OR8G1: variants seen among roughly 807,000 people sequenced by gnomAD.
OR8G1 encodes olfactory receptor 8G1.
For missense variants in OR8G1, 372 were observed against 356.2 expected (o/e 1.04, Z -0.36); for synonymous variants, 129 against 133.3 (o/e 0.97, Z 0.22).
rs1288660876 is a variant in OR8G1, at chr11:124,248,416, G to A, written c.-17+536G>A. Among the ~76,000 whole-genome samples, 4 of 151,764 alleles carry A rather than the reference G, an allele frequency of 2.6e-5. No homozygotes were observed. The East Asian group carries it at 7.8e-4, about 29-fold the overall frequency. On this transcript the variant is annotated intron_variant, in intron 2 of 2. Coordinates refer to ENST00000641972, the MANE Select transcript of OR8G1 (RefSeq NM_001002905.2). The stretch of plus-strand genomic sequence containing the variant: ...TTTATGTGTGTCTGTGTGTGTGTGT[G>A]TATCCTTTCTAAGAAAGCTTAAATT...
At chr11:124,245,007 C>CT (rs67805245) in intron 1 of OR8G1, among the ~76,000 whole-genome samples, 77,247 of 151,408 alleles carry the variant, frequency 0.51, 20,357 homozygotes, top group South Asian at 0.7. Context: ...TTAAGAATTT[C>CT]TTTTTTTTAA....
chr11:124,246,019 A>G, intron 1 of OR8G1, among the ~76,000 whole-genome samples: 1 of 136,456 alleles, frequency 7.3e-6, no homozygotes, highest in Non-Finnish European at 1.6e-5. Flanking sequence ...CTTTAGTTTA[A>G]TTAGATCCCA....
Position 124,250,353 on chromosome 11 carries a change from C to T in OR8G1, c.678C>T (p.Leu226=), listed in dbSNP as rs373964349. ...CSYIFIIASI[L]HIRSTEGRSK... ...ACATCTTTATTATTGCCAGCATCCT[C>T]CACATTCGCTCCACTGAGGGCAGGT... Residue 226 remains leucine, a synonymous_variant, in exon 3 of 3, where the codon CTC becomes CTT. Coordinates refer to ENST00000641972, the MANE Select transcript of OR8G1 (RefSeq NM_001002905.2). 4.2e-5 allele frequency: 67 copies of T among 1,613,724 alleles called. No individual in the cohort carries two copies. The African/African-American group carries it at 6.9e-4, about 17-fold the overall frequency.
chr11:124,244,042 T>C (rs577807727), intron 1 of OR8G1, among the ~76,000 whole-genome samples: 2 of 108,702 alleles, frequency 1.8e-5, no homozygotes, highest in African/African-American at 6.9e-5. Context: ...GAGAGAGAGA[T>C]GGAGAGAGAA....
rs1017686703 is a variant in OR8G1, at chr11:124,253,581, CAT to C, written c.*2973_*2974del. 4.6e-5 allele frequency: 7 copies of C among 152,076 alleles called. No individual in the cohort carries two copies. The highest frequency in any genetic ancestry group is 1.4e-4 in the African/African-American group (6 of 41,416). The allele number at this position is 152,076 out of a possible 1,614,324, so 9.4% of individuals were successfully genotyped here. A position where few individuals can be genotyped will look rare whatever the true frequency, so the allele number is the denominator to read the frequency against. ...GCTAGTTAACATATATATTACCTAA[CAT>C]ATTTATTTGTGTGTGTGTGGTGAGA... On this transcript the variant is annotated 3_prime_UTR_variant, in exon 3 of 3. Transcript: ENST00000641972.
At chr11:124,246,380 T>C (rs1253276598) in intron 1 of OR8G1, among the ~76,000 whole-genome samples, 1 of 151,952 alleles carries the variant, frequency 6.6e-6, no homozygotes, top group Non-Finnish European at 1.5e-5. Context: ...TACATTTTAA[T>C]GTAAAGATAC....
chr11:124,246,180 A>G (rs1048757016), intron 1 of OR8G1, among the ~76,000 whole-genome samples: 1 of 151,980 alleles, frequency 6.6e-6, no homozygotes, highest in Non-Finnish European at 1.5e-5. Context: ...TCCATCTTGA[A>G]TTAATTTTTG....
chr11:124,250,297 C>G lies in OR8G1; in HGVS notation c.622C>G (p.Leu208Val), dbSNP rs1415831947. 1.2e-6 allele frequency: 2 copies of G among 1,613,594 alleles called. No homozygotes were observed. Among genetic ancestry groups the G allele is most frequent in the African/African-American group, 2.7e-5 (2 of 74,884 alleles). The change falls in exon 3 of 3, where the codon CTT (leucine) becomes GTT (valine). Residue 208 changes from leucine to valine, a missense_variant. Coordinates refer to ENST00000641972, the MANE Select transcript of OR8G1 (RefSeq NM_001002905.2). ...TCTATGTGTTGGTGCATTTAACATC[C>G]TTGTCCCCAGCCTGACCATCCTTTG... The part of the protein sequence containing the change: ...LILCVGAFNI[L>V]VPSLTILCSY...
intron 2 of OR8G1, among the ~76,000 whole-genome samples, chr11:124,248,637 G>A (rs116204442): frequency 0.022 from 3,297 of 151,970 alleles, 121 homozygotes; most frequent in African/African-American, 0.074. Context: ...TAATTTGCCT[G>A]ATCATAGTTT....
chr11:124,244,533 T>C (rs1053930000), intron 1 of OR8G1, among the ~76,000 whole-genome samples: 1 of 151,906 alleles, frequency 6.6e-6, no homozygotes, highest in Non-Finnish European at 1.5e-5. Context: ...AGATGAACTA[T>C]GTCTATGGCA....
At chr11:124,246,666 C>A (rs1861813387) in intron 1 of OR8G1, among the ~76,000 whole-genome samples, 1 of 151,484 alleles carries the variant, frequency 6.6e-6, no homozygotes, top group Non-Finnish European at 1.5e-5. Flanking sequence ...ATAATTAATG[C>A]ATTAGATATA....
At chr11:124,242,985 A>T (rs1861774447) in intron 1 of OR8G1, among the ~76,000 whole-genome samples, 1 of 151,992 alleles carries the variant, frequency 6.6e-6, no homozygotes, top group Non-Finnish European at 1.5e-5. Context: ...TCAATTCCCA[A>T]ATCCATGTAT....
chr11:124,244,393 C>A (rs2466660), intron 1 of OR8G1, among the ~76,000 whole-genome samples: 1 of 151,526 alleles, frequency 6.6e-6, no homozygotes, highest in Admixed American at 6.6e-5. Context: ...ATTGGGAAAT[C>A]CCTGAATTGA....
intron 1 of OR8G1, among the ~76,000 whole-genome samples, chr11:124,242,138 G>A (rs1861767616): frequency 6.6e-6 from 1 of 151,602 alleles, no homozygotes; most frequent in Non-Finnish European, 1.5e-5. Context: ...CACTGTGCAG[G>A]TTAGTTACAT....
At chr11:124,249,157 A>T (rs997012928) in intron 2 of OR8G1, among the ~76,000 whole-genome samples, 2 of 152,256 alleles carry the variant, frequency 1.3e-5, no homozygotes, top group East Asian at 3.9e-4. Flanking sequence ...AGATTGTTTC[A>T]TAGTAATAAT....
intron 1 of OR8G1, among the ~76,000 whole-genome samples, chr11:124,242,682 C>T (rs1861771839): frequency 6.6e-6 from 1 of 151,980 alleles, no homozygotes; most frequent in African/African-American, 2.4e-5. Flanking sequence ...CTTGCTTTAT[C>T]CATCATCCAC....
Position 124,252,949 on chromosome 11 carries a change from A to T in OR8G1, c.*2338A>T, listed in dbSNP as rs1470387604. Reference sequence around the variant, plus strand: ...CAGGACAGCCATCTTGGGAAACATCATATGCACTTCTGAGGAAGTGCTGGT... The same window carrying T: ...CAGGACAGCCATCTTGGGAAACATCTTATGCACTTCTGAGGAAGTGCTGGT... On this transcript the variant is annotated 3_prime_UTR_variant, in exon 3 of 3. Coordinates refer to ENST00000641972, the MANE Select transcript of OR8G1 (RefSeq NM_001002905.2). The T allele has an allele frequency of 2.0e-5, 3 of 152,174 alleles. No individual in the cohort carries two copies. The highest frequency in any genetic ancestry group is 7.2e-5 in the African/African-American group (3 of 41,456). 9.4% of individuals were successfully genotyped at this position (152,174 alleles called of 1,614,324 possible).
Position 124,251,208 on chromosome 11 carries a change from A to G in OR8G1, c.*597A>G, listed in dbSNP as rs1336948871. ...TCTAGTTTGTACTTGCCTTCAACCT[A>G]CACTGGACTTCAGTCTTCATGAAGA... On this transcript the variant is annotated 3_prime_UTR_variant, in exon 3 of 3. Transcript: ENST00000641972. 2.8e-5 allele frequency: 3 copies of G among 105,828 alleles called. No individual in the cohort carries two copies. The highest frequency in any genetic ancestry group is 1.8e-4 in the Admixed American group (2 of 11,198). The allele number at this position is 105,828 out of a possible 1,614,324, so 6.6% of individuals were successfully genotyped here.
chr11:124,249,773 G>C lies in OR8G1; in HGVS notation c.98G>C (p.Gly33Ala), dbSNP rs1443665309. Residue 33 changes from glycine (G) to alanine (A), a missense_variant, in exon 3 of 3, where the codon GGA (glycine) becomes GCA (alanine). Physicochemically the swap from Gly to Ala is moderately conservative, Grantham distance 60. Transcript: ENST00000641972. ...CTGCCCCTCTTCCTCCTGTTCTTAG[G>C]AATCTATGTGGTCACAGTGGTGGGC... ...LQLPLFLLFL[G>A]IYVVTVVGNL... is the part of the protein sequence containing the mutation. 3.1e-6 allele frequency: 5 copies of C among 1,613,714 alleles called. No individual in the cohort carries two copies. Among genetic ancestry groups the C allele is most frequent in the South Asian group, 1.1e-5 (1 of 91,074 alleles).
Sources: gnomAD v4.1 joint callset for allele counts (sites outside exome capture counted in the v4.1 genomes callset) on GRCh38, gnomAD v4.1.1 for gene constraint, MANE v1.5 for transcripts, NCBI Gene and HGNC (gene_info 2026-07-23, HGNC 2026-07-21) for gene names.